INPP4B: variants seen among roughly 807,000 people sequenced by gnomAD.
INPP4B encodes the protein inositol polyphosphate-4-phosphatase type II B, also known as inositol polyphosphate 4-phosphatase type II.
Under a neutral mutation model 122.5 loss-of-function variants are expected in INPP4B, and 55 were observed. The observed-to-expected ratio is 0.45, with a 90% CI of 0.36 to 0.56. The LOEUF is 0.56. Ranked by LOEUF, INPP4B falls within the 20% of genes least tolerant of loss-of-function variation. INPP4B has a pLI of 0.00. For missense variants in INPP4B, 1,000 were observed against 1,097.7 expected, an observed-to-expected ratio of 0.91 and a Z score of 1.26; for synonymous variants, 403 against 388.7, an observed-to-expected ratio of 1.04 and a Z score of -0.43.
At chr4:142,170,047 G>GT (rs1304634039) in intron 16 of INPP4B, among the ~76,000 whole-genome samples, 4 of 151,238 alleles carry the variant, frequency 2.6e-5, no homozygotes, top group Admixed American at 6.6e-5. Context: ...TCTATTCCTT[G>GT]TTTTTTTTCC....
chr4:142,242,999 C>T (rs1046091651), intron 11 of INPP4B, among the ~76,000 whole-genome samples: 2 of 152,230 alleles, frequency 1.3e-5, no homozygotes, highest in East Asian at 1.9e-4. Context: ...GATCTGGCAA[C>T]TCAGATGTTT....
At chr4:142,491,071 G>C (rs897900622) in intron 2 of INPP4B, among the ~76,000 whole-genome samples, 21 of 152,186 alleles carry the variant, frequency 1.4e-4, no homozygotes, top group African/African-American at 3.9e-4. Context: ...AAACACTTTA[G>C]ATATATACTC....
intron 1 of INPP4B, among the ~76,000 whole-genome samples, chr4:142,749,458 G>A (rs1769308483): frequency 1.3e-5 from 2 of 150,248 alleles, no homozygotes; most frequent in African/African-American, 2.4e-5. Context: ...TACTGGATAC[G>A]AAGGATGAAT....
At chr4:142,754,315 G>A (rs1166005792) in intron 1 of INPP4B, among the ~76,000 whole-genome samples, 2 of 151,918 alleles carry the variant, frequency 1.3e-5, no homozygotes, top group African/African-American at 4.8e-5. Context: ...TTTTATTTGG[G>A]CTGAAGTAAC....
chr4:142,459,329 C>T (rs919423442), intron 3 of INPP4B, among the ~76,000 whole-genome samples: 2 of 148,782 alleles, frequency 1.3e-5, no homozygotes, highest in African/African-American at 5.0e-5. Flanking sequence ...ATCATTATCT[C>T]AGGAAATATC....
intron 1 of INPP4B, among the ~76,000 whole-genome samples, chr4:142,752,170 C>A (rs1444604644): frequency 6.6e-6 from 1 of 151,882 alleles, no homozygotes; most frequent in Non-Finnish European, 1.5e-5. Context: ...TGGAAGCTAG[C>A]CACATAAGGT....
chr4:142,678,695 A>T (rs1280148642), intron 2 of INPP4B, among the ~76,000 whole-genome samples: 1 of 151,916 alleles, frequency 6.6e-6, no homozygotes, highest in Non-Finnish European at 1.5e-5. Flanking sequence ...TTAAATTTTT[A>T]ATCTGTGTTT....
Position 142,310,958 on chromosome 4 carries a change from A to T in INPP4B, c.423+3754T>A, listed in dbSNP as rs747429304. ...ATTTGCTTGACTAAGTCATCAAGAA[A>T]ATATTTGGGTGCATCCACTAAATTC... On this transcript the variant is annotated intron_variant, in intron 8 of 25. Coordinates refer to ENST00000262992, the MANE Select transcript of INPP4B (RefSeq NM_001101669.3). Among the ~76,000 whole-genome samples, 48 of 152,154 alleles carry T rather than the reference A, an allele frequency of 3.2e-4. 1 individual carries two copies. Among genetic ancestry groups the T allele is most frequent in the Non-Finnish European group, 1.5e-4 (10 of 68,024 alleles).
At chr4:142,776,013 CTA>C (rs1561055917) in intron 1 of INPP4B, among the ~76,000 whole-genome samples, 1 of 152,032 alleles carries the variant, frequency 6.6e-6, no homozygotes, top group East Asian at 1.9e-4. Flanking sequence ...TAAAATATAT[CTA>C]TGTCTTTCCA....
At chr4:142,630,045 A>T (rs1271211602) in intron 2 of INPP4B, among the ~76,000 whole-genome samples, 1 of 152,144 alleles carries the variant, frequency 6.6e-6, no homozygotes, top group Non-Finnish European at 1.5e-5. Context: ...AGGAAAAAGA[A>T]GTGAAGGAAA....
intron 7 of INPP4B, among the ~76,000 whole-genome samples, chr4:142,399,155 G>A (rs180693598): frequency 2.1e-4 from 30 of 145,452 alleles, no homozygotes; most frequent in Middle Eastern, 3.6e-3. Context: ...AAAGTTTTAT[G>A]GTGATGTTCT....
intron 2 of INPP4B, among the ~76,000 whole-genome samples, chr4:142,536,832 A>G (rs4975316): frequency 0.23 from 35,549 of 152,002 alleles, 5,287 homozygotes; most frequent in East Asian, 0.78. Context: ...TTACTCTGTC[A>G]CCAGGCTGGA....
At chr4:142,654,559 T>C (rs1753775299) in intron 2 of INPP4B, 2 of 152,152 alleles carry the variant, frequency 1.3e-5, no homozygotes, top group South Asian at 2.1e-4. Context: ...TATATTATTG[T>C]ATCATTTCAA....
chr4:142,115,889 C>A (rs1415783843), intron 21 of INPP4B, among the ~76,000 whole-genome samples: 3 of 151,940 alleles, frequency 2.0e-5, no homozygotes, highest in African/African-American at 7.3e-5. Context: ...AAGTCAAGAC[C>A]CATCAGTGTG....
At chr4:142,336,377 G>T (rs536958471) in intron 7 of INPP4B, among the ~76,000 whole-genome samples, 1 of 152,208 alleles carries the variant, frequency 6.6e-6, no homozygotes, top group East Asian at 1.9e-4. Context: ...AGCAAAAAGA[G>T]CAGTCACACT....
intron 2 of INPP4B, among the ~76,000 whole-genome samples, chr4:142,594,592 T>C (rs1243232456): frequency 6.6e-6 from 1 of 152,152 alleles, no homozygotes; most frequent in African/African-American, 2.4e-5. Context: ...CCACTTATTA[T>C]TGCCTCTCAT....
chr4:142,690,533 T>C (rs966175661), intron 2 of INPP4B, among the ~76,000 whole-genome samples: 3 of 152,176 alleles, frequency 2.0e-5, no homozygotes, highest in African/African-American at 7.2e-5. Flanking sequence ...TTTTCTTCAC[T>C]TAAAAAGACT....
intron 8 of INPP4B, among the ~76,000 whole-genome samples, chr4:142,310,505 A>G (rs536605360): frequency 6.6e-6 from 1 of 152,288 alleles, no homozygotes; most frequent in South Asian, 2.1e-4. Flanking sequence ...CTGCTGGTTT[A>G]GAGGTTAAAT....
At chr4:142,329,164 T>C (rs1307892392) in intron 7 of INPP4B, among the ~76,000 whole-genome samples, 1 of 152,200 alleles carries the variant, frequency 6.6e-6, no homozygotes, top group Non-Finnish European at 1.5e-5. Flanking sequence ...AAGTAAAATA[T>C]TAAAATACGG....
Sources: allele counts gnomAD v4.1 joint callset (sites outside exome capture counted in the v4.1 genomes callset), GRCh38; gene constraint gnomAD v4.1.1; transcripts MANE v1.5; gene names NCBI Gene and HGNC (gene_info 2026-07-23, HGNC 2026-07-21).